HMGCLL1: variants seen among roughly 807,000 people sequenced by gnomAD.
The protein encoded by HMGCLL1 is 3-hydroxy-3-methylglutaryl-CoA lyase like 1, also known as 3-hydroxymethyl-3-methylglutaryl-CoA lyase, cytoplasmic.
HMGCLL1 carries 36 observed loss-of-function variants against 39.1 expected under a neutral mutation model. The observed-to-expected ratio is 0.92, with a 90% CI of 0.71 to 1.22. The LOEUF (loss-of-function observed/expected upper bound fraction) is 1.22. Ranked by LOEUF, HMGCLL1 falls within the 50% of genes most tolerant of loss-of-function variation. The probability of loss-of-function intolerance (pLI) is 0.00; values close to 1 mark genes in which losing one functional copy is unlikely to be tolerated. For missense variants in HMGCLL1, 451 were observed against 416.5 expected, an observed-to-expected ratio of 1.08 and a Z score of -0.72; for synonymous variants, 149 against 144.0, an observed-to-expected ratio of 1.03 and a Z score of -0.25.
At chr6:55,612,667 C>T in the HMGCLL1 span, among the ~76,000 whole-genome samples, 1 of 152,098 alleles carries the variant, frequency 6.6e-6, no homozygotes, top group Non-Finnish European at 1.5e-5. Flanking sequence ...ACTATCTGAT[C>T]TTTGACAAAC....
At chr6:55,625,114 G>A in the HMGCLL1 span, among the ~76,000 whole-genome samples, 3 of 152,068 alleles carry the variant, frequency 2.0e-5, no homozygotes, top group African/African-American at 7.2e-5. Context: ...CTAGGATTTT[G>A]GAACAAGGCC....
At chr6:55,572,440 T>C (rs73744635) in intron 1 of HMGCLL1, among the ~76,000 whole-genome samples, 9,143 of 152,156 alleles carry the variant, frequency 0.06, 337 homozygotes, top group South Asian at 0.11. Flanking sequence ...TAGTACATTG[T>C]TCTTCAAAGA....
intron 7 of HMGCLL1, chr6:55,439,874 T>C (rs1439051788): frequency 4.5e-6 from 1 of 223,312 alleles, no homozygotes; most frequent in African/African-American, 2.3e-5. Context: ...GTTAATTTAC[T>C]CCAGATTTTC....
intron 8 of HMGCLL1, among the ~76,000 whole-genome samples, chr6:55,437,001 C>A (rs1472642): frequency 0.42 from 64,232 of 151,690 alleles, 13,707 homozygotes; most frequent in African/African-American, 0.47. Context: ...ACTTCAGGTG[C>A]CTTTCACTTA....
chr6:55,437,166 AACCAGTAGAT>A (rs1561879913), intron 8 of HMGCLL1, among the ~76,000 whole-genome samples: 1 of 151,386 alleles, frequency 6.6e-6, no homozygotes, highest in Non-Finnish European at 1.5e-5. Context: ...CATTTTATTT[AACCAGTAGAT>A]ATCATTATGA....
the HMGCLL1 span, among the ~76,000 whole-genome samples, chr6:55,605,035 T>A: frequency 1.3e-5 from 2 of 152,230 alleles, no homozygotes; most frequent in Non-Finnish European, 2.9e-5. Context: ...GATCTGCTGT[T>A]CAGATTCCAC....
intron 1 of HMGCLL1, among the ~76,000 whole-genome samples, chr6:55,566,927 A>T (rs1397010145): frequency 1.3e-5 from 2 of 152,272 alleles, no homozygotes; most frequent in East Asian, 3.9e-4. Flanking sequence ...AAGGCAGTTA[A>T]TTTGGCTAAA....
At chr6:55,491,694 A>G (rs1766318720) in intron 7 of HMGCLL1, among the ~76,000 whole-genome samples, 1 of 152,082 alleles carries the variant, frequency 6.6e-6, no homozygotes, top group Non-Finnish European at 1.5e-5. Context: ...GGTGAAGCTA[A>G]ATTTTTACAT....
intron 1 of HMGCLL1, among the ~76,000 whole-genome samples, chr6:55,554,839 T>G (rs1487037519): frequency 6.6e-6 from 1 of 152,206 alleles, no homozygotes; most frequent in East Asian, 1.9e-4. Context: ...GAAATACACA[T>G]GAACTCATCT....
At chr6:55,489,863 C>G (rs1343257504) in intron 7 of HMGCLL1, among the ~76,000 whole-genome samples, 2 of 152,034 alleles carry the variant, frequency 1.3e-5, no homozygotes, top group Admixed American at 1.3e-4. Context: ...TGAGCATATA[C>G]TTTGATTTAT....
At chr6:55,578,710 G>T (rs1771877925) in intron 1 of HMGCLL1, among the ~76,000 whole-genome samples, 1 of 152,314 alleles carries the variant, frequency 6.6e-6, no homozygotes, top group African/African-American at 2.4e-5. Context: ...ACCAGCAAAT[G>T]GTCACAGGCA....
chr6:55,457,519 A>C (rs1764376355), intron 7 of HMGCLL1, among the ~76,000 whole-genome samples: 1 of 152,190 alleles, frequency 6.6e-6, no homozygotes, highest in Non-Finnish European at 1.5e-5. Flanking sequence ...GAGTTATTAA[A>C]GCCAAGAAAA....
intron 7 of HMGCLL1, among the ~76,000 whole-genome samples, chr6:55,445,354 C>T (rs1413967382): frequency 1.3e-5 from 2 of 151,888 alleles, no homozygotes; most frequent in African/African-American, 4.8e-5. Flanking sequence ...GTTTTCTTCA[C>T]ATCTACTACC....
chr6:55,520,676 T>C (rs1301757890), intron 3 of HMGCLL1, among the ~76,000 whole-genome samples: 1 of 152,112 alleles, frequency 6.6e-6, no homozygotes, highest in Non-Finnish European at 1.5e-5. Context: ...ATTTAAACAA[T>C]GAAACTAACA....
chr6:55,664,724 CA>C, the HMGCLL1 span, among the ~76,000 whole-genome samples: 1 of 151,638 alleles, frequency 6.6e-6, no homozygotes, highest in Non-Finnish European at 1.5e-5. Context: ...TCATGAGATA[CA>C]TTCAATTTGT....
At chr6:55,441,760 G>A (rs1479822800) in intron 7 of HMGCLL1, among the ~76,000 whole-genome samples, 3 of 151,794 alleles carry the variant, frequency 2.0e-5, no homozygotes, top group Admixed American at 1.3e-4. Context: ...GTGTTATCTC[G>A]GCCCACTGCA....
At chr6:55,469,279 ATT>A in intron 7 of HMGCLL1, among the ~76,000 whole-genome samples, 1 of 150,382 alleles carries the variant, frequency 6.6e-6, no homozygotes, top group Middle Eastern at 3.5e-3. Context: ...TGGAAGTACA[ATT>A]TTTTTTGCTT....
intron 7 of HMGCLL1, among the ~76,000 whole-genome samples, chr6:55,447,600 CA>C (rs1230742652): frequency 6.6e-6 from 1 of 151,784 alleles, no homozygotes; most frequent in African/African-American, 2.4e-5. Context: ...AAAAAAAAAG[CA>C]AGAAAATTTT....
At chr6:55,655,697 C>G in the HMGCLL1 span, among the ~76,000 whole-genome samples, 21 of 152,000 alleles carry the variant, frequency 1.4e-4, no homozygotes, top group African/African-American at 4.6e-4. Flanking sequence ...AATCTGTCAA[C>G]CACCTTCATA....
Sources: gnomAD v4.1 joint callset for allele counts (sites outside exome capture counted in the v4.1 genomes callset) on GRCh38, gnomAD v4.1.1 for gene constraint, MANE v1.5 for transcripts, NCBI Gene and HGNC (gene_info 2026-07-23, HGNC 2026-07-21) for gene names.